Variants in GPBP1L1 observed in about 807,000 individuals in gnomAD.
GPBP1L1 encodes GC-rich promoter binding protein 1 like 1, also known as vasculin-like protein 1.
In GPBP1L1, 23 loss-of-function variants were observed where a neutral mutation model predicts 52.5. The observed-to-expected ratio is 0.44, with a 90% CI of 0.32 to 0.62. GPBP1L1 has a LOEUF of 0.62. Ranked by LOEUF, GPBP1L1 falls within the 20% of genes least tolerant of loss-of-function variation. The pLI, the probability that GPBP1L1 is intolerant of heterozygous loss-of-function variation, is 0.06. For synonymous variants in GPBP1L1, 243 were observed against 203.1 expected (o/e 1.20, Z -1.67); for missense variants, 596 against 579.3 (o/e 1.03, Z -0.30).
chr1:45,662,685 T>C (rs1644960406), intron 2 of GPBP1L1, among the ~76,000 whole-genome samples: 1 of 152,174 alleles, frequency 6.6e-6, no homozygotes, highest in South Asian at 2.1e-4. Context: ...CTGTAATGCC[T>C]TATTTCTCAA....
chr1:45,651,544 T>C (rs1183689793), intron 6 of GPBP1L1: 5 of 552,732 alleles, frequency 9.0e-6, no homozygotes, highest in Admixed American at 5.3e-5. Context: ...CCAGCTTAAG[T>C]AGCTGAGTAG....
At chr1:45,686,703 A>T (rs576011315), upstream of GPBP1L1, 3 of 152,316 alleles carry the variant, frequency 2.0e-5, no homozygotes, top group South Asian at 6.2e-4. Flanking sequence ...CTACGCTGCC[A>T]ACGTTCGGCC....
intron 2 of GPBP1L1, among the ~76,000 whole-genome samples, chr1:45,665,257 G>A (rs1644996117): frequency 6.6e-6 from 1 of 151,766 alleles, no homozygotes; most frequent in Non-Finnish European, 1.5e-5. Context: ...GCAGGCTGAG[G>A]GAGACTCTCA....
At chr1:45,666,309 C>A (rs1645010517) in intron 2 of GPBP1L1, among the ~76,000 whole-genome samples, 1 of 152,022 alleles carries the variant, frequency 6.6e-6, no homozygotes, top group Non-Finnish European at 1.5e-5. Flanking sequence ...CCACACCCGG[C>A]TAATTTTTGT....
intron 8 of GPBP1L1, chr1:45,635,169 T>TA (rs1644578453): frequency 6.6e-6 from 1 of 152,200 alleles, no homozygotes; most frequent in African/African-American, 2.4e-5. Context: ...TAATAATTGT[T>TA]ACGCTGACTT....
intron 10 of GPBP1L1, among the ~76,000 whole-genome samples, chr1:45,631,343 A>AC (rs1644529218): frequency 2.6e-5 from 4 of 151,880 alleles, no homozygotes; most frequent in Admixed American, 2.6e-4. Context: ...GCTCACTGCA[A>AC]CCCCCGCCTC....
In GPBP1L1 at chr1:45,634,440, T is replaced by C. The variant is rs577068123; in HGVS notation, c.745-204A>G. On this transcript the variant is annotated intron_variant, in intron 8 of 12. Transcript: ENST00000355105. ...TGGTAGATGGGATACAGAAGAGCCA[T>C]TGGACATTAATAGTGACTTCCCAAA... is the stretch of plus-strand genomic sequence containing the variant. 1.3e-4 allele frequency: 59 copies of C among 457,576 alleles called. 1 individual carries two copies. Among genetic ancestry groups the C allele is most frequent in the African/African-American group, 3.7e-4 (19 of 51,956 alleles). The allele number at this position is 457,576 out of a possible 1,614,324, so 28.3% of individuals were successfully genotyped here. A position where few individuals can be genotyped will look rare whatever the true frequency, so the allele number is the denominator to read the frequency against.
At chr1:45,679,977 A>T (rs1452692076) in intron 2 of GPBP1L1, among the ~76,000 whole-genome samples, 1 of 150,134 alleles carries the variant, frequency 6.7e-6, no homozygotes, top group Non-Finnish European at 1.5e-5. Flanking sequence ...CCCAGGATGA[A>T]GCTGAGGTGG....
chr1:45,633,322 A>G (rs1644553819), intron 10 of GPBP1L1, among the ~76,000 whole-genome samples, 167 bp downstream of exon 10: 1 of 152,234 alleles, frequency 6.6e-6, no homozygotes, highest in South Asian at 2.1e-4. Context: ...TGCTGAAAAA[A>G]GGATTAAACT....
At chr1:45,654,914 C>T (rs150256262) in intron 5 of GPBP1L1, 85 bp from the exon 6 acceptor site, 6 of 1,317,152 alleles carry the variant, frequency 4.6e-6, no homozygotes, top group African/African-American at 3.0e-5. Flanking sequence ...CAGGAGACCT[C>T]GTTAATAAAA....
intron 5 of GPBP1L1, 49 bp downstream of exon 5, chr1:45,655,141 T>A (rs755193969): frequency 6.2e-7 from 1 of 1,611,174 alleles, no homozygotes; most frequent in Non-Finnish European, 8.5e-7. Flanking sequence ...CCTGGGCTTG[T>A]CCTAAATGAG....
intron 2 of GPBP1L1, among the ~76,000 whole-genome samples, chr1:45,663,266 G>A (rs748005346): frequency 2.7e-4 from 41 of 152,084 alleles, no homozygotes; most frequent in Non-Finnish European, 4.4e-4. Flanking sequence ...GTTCAAGACA[G>A]AGAGATAAAT....
chr1:45,659,607 A>G (rs190722114), intron 3 of GPBP1L1, among the ~76,000 whole-genome samples: 38 of 152,344 alleles, frequency 2.5e-4, no homozygotes, highest in Admixed American at 2.2e-3. Context: ...AAAGAGATTA[A>G]TCTGCTTCAA....
At chr1:45,680,641 G>C (rs1231328437) in intron 2 of GPBP1L1, among the ~76,000 whole-genome samples, 3 of 151,976 alleles carry the variant, frequency 2.0e-5, no homozygotes, top group African/African-American at 4.8e-5. Context: ...TTTTAAGTTA[G>C]AATAGCAAAT....
chr1:45,678,789 T>C (rs1645178042), intron 2 of GPBP1L1, among the ~76,000 whole-genome samples: 1 of 152,176 alleles, frequency 6.6e-6, no homozygotes, highest in African/African-American at 2.4e-5. Flanking sequence ...ATTTTTTGGA[T>C]CAGCTGGAGA....
upstream of GPBP1L1, chr1:45,686,926 G>A (rs756228886): frequency 2.0e-5 from 3 of 152,638 alleles, no homozygotes; most frequent in South Asian, 6.2e-4. Flanking sequence ...GGGTATGCAT[G>A]TGTGTATCCC....
At chr1:45,665,526 G>A (rs1018874963) in intron 2 of GPBP1L1, among the ~76,000 whole-genome samples, 4 of 151,654 alleles carry the variant, frequency 2.6e-5, no homozygotes, top group Non-Finnish European at 5.9e-5. Flanking sequence ...TGAGGCAGGC[G>A]GATCACAAGT....
intron 10 of GPBP1L1, among the ~76,000 whole-genome samples, chr1:45,632,490 C>T (rs1344289959): frequency 6.6e-6 from 1 of 152,146 alleles, no homozygotes; most frequent in African/African-American, 2.4e-5. Context: ...CTGAGACAGG[C>T]AGAACACTTG....
In GPBP1L1 at chr1:45,630,692, C is replaced by G. The variant is rs1384489667; in HGVS notation, c.1045-86G>C. Reference sequence around the variant, plus strand: ...ACCTATGAAATCAAGGACTCACGACCCAGGAAGTGTTTTCCAAAAGACAGC... The same window carrying G: ...ACCTATGAAATCAAGGACTCACGACGCAGGAAGTGTTTTCCAAAAGACAGC... On this transcript the variant is annotated intron_variant, in intron 10 of 12. Transcript: ENST00000355105. 5 of 1,460,958 alleles carry G rather than the reference C, an allele frequency of 3.4e-6. No individual in the cohort carries two copies. In the Admixed American group the frequency reaches 8.6e-5, roughly 25 times the overall value. The allele number at this position is 1,460,958 out of a possible 1,614,324, so 90.5% of individuals were successfully genotyped here.
Sources: gnomAD v4.1 joint callset for allele counts (sites outside exome capture counted in the v4.1 genomes callset) on GRCh38, gnomAD v4.1.1 for gene constraint, MANE v1.5 for transcripts, NCBI Gene and HGNC (gene_info 2026-07-23, HGNC 2026-07-21) for gene names.